NEDD4: variants seen among roughly 807,000 people sequenced by gnomAD.
The protein encoded by NEDD4 is E3 ubiquitin-protein ligase NEDD4.
Under a neutral mutation model 144.9 loss-of-function variants are expected in NEDD4, and 99 were observed. That is an observed-to-expected ratio of 0.68 (90% CI 0.58 to 0.81). The LOEUF is 0.81. Among genes scored for constraint, NEDD4 ranks in the 30% least tolerant of loss-of-function variants. The probability of loss-of-function intolerance (pLI) is 0.00; values close to 1 mark genes in which losing one functional copy is unlikely to be tolerated. For missense variants in NEDD4, 985 were observed against 1,065.9 expected (o/e 0.92, Z 1.06); for synonymous variants, 318 against 350.6 (o/e 0.91, Z 1.04).
intron 4 of NEDD4, among the ~76,000 whole-genome samples, chr15:55,943,576 C>G (rs67585628): frequency 0.13 from 20,468 of 152,194 alleles, 1,509 homozygotes; most frequent in East Asian, 0.32. Flanking sequence ...CAGGTGGGCA[C>G]AGGGCAAGAG....
At chr15:55,969,397 G>A (rs2037570624) in intron 1 of NEDD4, among the ~76,000 whole-genome samples, 1 of 152,200 alleles carries the variant, frequency 6.6e-6, no homozygotes, top group African/African-American at 2.4e-5. Context: ...TCCTGGTACT[G>A]TGCTGGTCTT....
intron 27 of NEDD4, among the ~76,000 whole-genome samples, chr15:55,831,632 C>G (rs556605548): frequency 6.6e-6 from 1 of 152,268 alleles, no homozygotes; most frequent in Non-Finnish European, 1.5e-5. Flanking sequence ...AGTGGTTACT[C>G]TAGGTAGAGA....
At chr15:55,863,328 T>C (rs971987495) in intron 8 of NEDD4, among the ~76,000 whole-genome samples, 15 of 152,220 alleles carry the variant, frequency 9.9e-5, no homozygotes, top group African/African-American at 3.4e-4. Context: ...AAAAAAACTT[T>C]AAAGGCACAA....
intron 5 of NEDD4, among the ~76,000 whole-genome samples, chr15:55,923,902 T>C (rs2036616523): frequency 2.6e-5 from 4 of 152,116 alleles, no homozygotes; most frequent in Admixed American, 2.6e-4. Context: ...TTTCTGGTGC[T>C]TGTAACTGAT....
chr15:55,945,871 A>G (rs1387231539), intron 4 of NEDD4, among the ~76,000 whole-genome samples: 1 of 152,222 alleles, frequency 6.6e-6, no homozygotes, highest in Non-Finnish European at 1.5e-5. Context: ...TTCTTAAAGA[A>G]AATAATTTTG....
intron 1 of NEDD4, chr15:55,987,154 G>A (rs1190908729): frequency 1.9e-5 from 2 of 104,642 alleles, no homozygotes; most frequent in Non-Finnish European, 3.9e-5. Flanking sequence ...ACTTTTTAAT[G>A]ATTGCCATTC....
chr15:55,918,895 C>G (rs757586745), intron 5 of NEDD4, among the ~76,000 whole-genome samples: 19 of 152,092 alleles, frequency 1.2e-4, no homozygotes, highest in Admixed American at 4.6e-4. Flanking sequence ...CTTCAGCGTT[C>G]TTTCTGGGAT....
At chr15:55,965,820 T>C (rs1471051332) in intron 2 of NEDD4, among the ~76,000 whole-genome samples, 1 of 152,084 alleles carries the variant, frequency 6.6e-6, no homozygotes, top group East Asian at 1.9e-4. Flanking sequence ...CTGGATAATT[T>C]TTGTATTTTT....
intron 1 of NEDD4, among the ~76,000 whole-genome samples, chr15:55,993,286 C>A (rs1365160057): frequency 2.0e-5 from 3 of 152,262 alleles, no homozygotes; most frequent in African/African-American, 7.2e-5. Context: ...CGGGAAGGGG[C>A]GGGTGTGGAC....
intron 8 of NEDD4, among the ~76,000 whole-genome samples, chr15:55,863,289 T>G (rs1480708498): frequency 1.3e-5 from 2 of 152,158 alleles, no homozygotes; most frequent in African/African-American, 2.4e-5. Context: ...CCATTTAAAT[T>G]TTGTTTAAAA....
intron 4 of NEDD4, among the ~76,000 whole-genome samples, chr15:55,947,394 C>G (rs539199804): frequency 6.6e-6 from 1 of 152,182 alleles, no homozygotes. Flanking sequence ...CACCTCTATG[C>G]AAATAAACTA....
At chr15:55,907,239 G>C (rs2036131293) in intron 5 of NEDD4, among the ~76,000 whole-genome samples, 1 of 152,078 alleles carries the variant, frequency 6.6e-6, no homozygotes, top group Admixed American at 6.6e-5. Context: ...GGTCAATCCA[G>C]GAAGTGCAAA....
At position 55,966,639 on chromosome 15, in the gene NEDD4, G is replaced by C. The variant is rs2037517753; in HGVS notation, c.46-93C>G. 2.5e-5 allele frequency: 13 copies of C among 513,200 alleles called. No homozygotes were observed. In the East Asian group the frequency reaches 4.7e-4, roughly 18 times the overall value. The allele number at this position is 513,200 out of a possible 1,614,324, so 31.8% of individuals were successfully genotyped here. ...AAATATATATCAAATAAAGTAATTA[G>C]GATATTAAAATTAATTGAAGAATCT... On this transcript the variant is annotated intron_variant, in intron 1 of 28. Transcript: ENST00000435532.
chr15:55,928,023 C>CT (rs551992365), intron 4 of NEDD4, among the ~76,000 whole-genome samples: 5 of 150,778 alleles, frequency 3.3e-5, no homozygotes, highest in African/African-American at 4.9e-5. Context: ...CCTCAACTAT[C>CT]TTTTTTTTTC....
chr15:55,916,590 T>C, intron 5 of NEDD4: 1 of 1,614,090 alleles, frequency 6.2e-7, no homozygotes, highest in Non-Finnish European at 8.5e-7. Flanking sequence ...GCTCTTTTTA[T>C]TAACATTTTC....
chr15:55,861,908 G>A (rs2034423472), intron 9 of NEDD4, among the ~76,000 whole-genome samples: 1 of 152,080 alleles, frequency 6.6e-6, no homozygotes, highest in East Asian at 1.9e-4. Context: ...ATGGCTCTAA[G>A]GGAATGCTTC....
intron 5 of NEDD4, among the ~76,000 whole-genome samples, chr15:55,903,738 T>C (rs1315006737): frequency 6.9e-6 from 1 of 145,692 alleles, no homozygotes; most frequent in East Asian, 2.1e-4. Context: ...GGCAGGAGAA[T>C]GGCGTGAACC....
At chr15:55,972,563 A>G (rs2037629643) in intron 1 of NEDD4, among the ~76,000 whole-genome samples, 1 of 152,184 alleles carries the variant, frequency 6.6e-6, no homozygotes, top group South Asian at 2.1e-4. Flanking sequence ...AAAGCATACC[A>G]CTAAAGAAAA....
chr15:55,940,597 C>A (rs1390716001), intron 4 of NEDD4, among the ~76,000 whole-genome samples: 4 of 148,168 alleles, frequency 2.7e-5, no homozygotes, highest in Non-Finnish European at 5.9e-5. Context: ...CACTATGTTG[C>A]CCACGGTATC....
Sources: allele counts gnomAD v4.1 joint callset (sites outside exome capture counted in the v4.1 genomes callset), GRCh38; gene constraint gnomAD v4.1.1; transcripts MANE v1.5; gene names NCBI Gene and HGNC (gene_info 2026-07-23, HGNC 2026-07-21).